The following EML4 variants were observed in gnomAD, a reference collection of about 807,000 sequenced individuals.
EML4 encodes EMAP like 4, also known as echinoderm microtubule-associated protein-like 4.
A neutral mutation model predicts 129.0 loss-of-function variants in EML4; 72 were observed. That is an observed-to-expected ratio of 0.56 (90% CI 0.46 to 0.68). EML4 has a LOEUF of 0.68. Ranked by LOEUF, EML4 falls within the 30% of genes least tolerant of loss-of-function variation. The probability of loss-of-function intolerance (pLI) is 0.00; values close to 1 mark genes in which losing one functional copy is unlikely to be tolerated. For synonymous variants in EML4, 532 were observed against 405.0 expected (o/e 1.31, Z -3.77); for missense variants, 1,363 against 1,190.6 (o/e 1.14, Z -2.13).
intron 1 of EML4, among the ~76,000 whole-genome samples, chr2:42,177,751 A>G (rs986430920): frequency 6.6e-6 from 1 of 152,222 alleles, no homozygotes; most frequent in African/African-American, 2.4e-5. Flanking sequence ...GGGTATTTTC[A>G]AGTACAAGTC....
At chr2:42,324,107 C>G (rs528329523) in intron 19 of EML4, among the ~76,000 whole-genome samples, 2 of 151,268 alleles carry the variant, frequency 1.3e-5, no homozygotes, top group African/African-American at 4.9e-5. Flanking sequence ...CCAGCCTGGC[C>G]AACACAGGGA....
At chr2:42,329,439 C>T (rs1036155986) in intron 22 of EML4, among the ~76,000 whole-genome samples, 1 of 152,162 alleles carries the variant, frequency 6.6e-6, no homozygotes, top group Non-Finnish European at 1.5e-5. Flanking sequence ...AATTACTAAG[C>T]TCTGGCAAGT....
rs377686151 is a variant in EML4 at position 42,329,029 on chromosome 2, T to C, written c.2472+13T>C. The C allele has an allele frequency of 4.8e-5, 77 of 1,606,650 alleles. No individual in the cohort carries two copies. Among genetic ancestry groups the C allele is most frequent in the Admixed American group, 6.8e-5 (4 of 58,954 alleles). On this transcript the variant is annotated intron_variant, in intron 22 of 22. Coordinates refer to ENST00000318522, the MANE Select transcript of EML4 (RefSeq NM_019063.5). ...CTCCAAAGCAAAGGTAAACTCACTTTAATAGAAACTAATGTTATAAGGCCT... is the reference window on the plus strand; with the variant it reads ...CTCCAAAGCAAAGGTAAACTCACTTCAATAGAAACTAATGTTATAAGGCCT...
intron 1 of EML4, among the ~76,000 whole-genome samples, chr2:42,222,582 G>T (rs912875122): frequency 6.6e-6 from 1 of 152,044 alleles, no homozygotes; most frequent in Non-Finnish European, 1.5e-5. Flanking sequence ...TTTACTGTCT[G>T]GTCCTTAACA....
At chr2:42,298,620 T>A (rs755348881) in intron 13 of EML4, among the ~76,000 whole-genome samples, 1 of 152,182 alleles carries the variant, frequency 6.6e-6, no homozygotes, top group East Asian at 1.9e-4. Context: ...GAAATAACTT[T>A]CCTGGAGTGA....
chr2:42,243,655 G>A (rs1312854537), intron 1 of EML4, among the ~76,000 whole-genome samples: 3 of 152,056 alleles, frequency 2.0e-5, no homozygotes, highest in African/African-American at 4.8e-5. Flanking sequence ...CAATATCTAC[G>A]TCTCAAAGAT....
chr2:42,295,575 C>A (rs2103682099), intron 13 of EML4, 59 bp downstream of exon 13: 2 of 1,480,150 alleles, frequency 1.4e-6, no homozygotes, highest in South Asian at 1.3e-5. Flanking sequence ...CTCTTTCAGT[C>A]CCATCTCTTA....
chr2:42,191,764 A>G (rs950049826), intron 1 of EML4, among the ~76,000 whole-genome samples: 4 of 152,206 alleles, frequency 2.6e-5, no homozygotes, highest in Non-Finnish European at 5.9e-5. Flanking sequence ...CTGAATTTTA[A>G]AAATCCCTAG....
At position 42,310,460 on chromosome 2, in the gene EML4, C is replaced by T. The variant is rs138220223; in HGVS notation, c.1968-5502C>T. 9.8e-3 allele frequency among the ~76,000 whole-genome samples: 1,493 copies of T among 152,226 alleles called. 24 individuals carry two copies. The highest frequency in any genetic ancestry group is 0.034 in the African/African-American group (1,416 of 41,540). On this transcript the variant is annotated intron_variant, in intron 17 of 22. Transcript: ENST00000318522. ...TCCTGGGTTCAAGTGATTCTCATGC[C>T]TCAACCTCCCAGGTAGCTGGGACTA...
chr2:42,241,540 C>T (rs571485420), intron 1 of EML4, among the ~76,000 whole-genome samples: 113 of 152,318 alleles, frequency 7.4e-4, no homozygotes, highest in African/African-American at 2.5e-3. Flanking sequence ...GTTACTGCAA[C>T]AGCCTCCTGT....
chr2:42,242,819 C>A (rs910391940), intron 1 of EML4, among the ~76,000 whole-genome samples: 2 of 151,358 alleles, frequency 1.3e-5, no homozygotes, highest in South Asian at 4.2e-4. Flanking sequence ...GGTTTAAGTG[C>A]AGTGGTGTAA....
intron 1 of EML4, among the ~76,000 whole-genome samples, chr2:42,219,517 A>G (rs900307074): frequency 6.6e-6 from 1 of 152,162 alleles, no homozygotes; most frequent in Admixed American, 6.5e-5. Context: ...TTTCTTTTAG[A>G]TTTTCATAGA....
intron 1 of EML4, among the ~76,000 whole-genome samples, chr2:42,179,958 A>G (rs1311841878): frequency 6.6e-6 from 1 of 152,194 alleles, no homozygotes; most frequent in Non-Finnish European, 1.5e-5. Flanking sequence ...GGAGGGACAG[A>G]GCATGCATAT....
At chr2:42,261,442 T>C (rs1322667084) in intron 4 of EML4, 148 bp downstream of exon 4, 1 of 545,796 alleles carries the variant, frequency 1.8e-6, no homozygotes, top group Non-Finnish European at 3.0e-6. Context: ...TAATTTATGC[T>C]TTATAGCCCA....
rs1315322234 is a variant in EML4, at chr2:42,183,600, A to G, written c.25+13964A>G. Among the ~76,000 whole-genome samples the G allele has an allele frequency of 2.0e-5, 3 of 152,212 alleles. No homozygotes were observed. In the East Asian group the frequency reaches 5.8e-4, roughly 29 times the overall value. On this transcript the variant is annotated intron_variant, in intron 1 of 22. Transcript: ENST00000318522. ...TGGTATATGTATATGTATGTATAAAATACACATATGCTTTTTGCAGGCTTC... is the reference window on the plus strand; with the variant it reads ...TGGTATATGTATATGTATGTATAAAGTACACATATGCTTTTTGCAGGCTTC...
At chr2:42,279,245 G>T (rs1666865621) in intron 6 of EML4, among the ~76,000 whole-genome samples, 1 of 152,128 alleles carries the variant, frequency 6.6e-6, no homozygotes. Context: ...GAATAGTGCT[G>T]CTGTGAACCT....
chr2:42,267,583 C>A (rs1241866512), intron 6 of EML4, among the ~76,000 whole-genome samples: 1 of 152,128 alleles, frequency 6.6e-6, no homozygotes, highest in Admixed American at 6.5e-5. Context: ...AGGCCTGTGT[C>A]CTTCAGACAG....
chr2:42,205,663 G>C (rs971957450), intron 1 of EML4, among the ~76,000 whole-genome samples: 2 of 152,148 alleles, frequency 1.3e-5, no homozygotes, highest in African/African-American at 4.8e-5. Flanking sequence ...GTTTAAGGAA[G>C]TATCAACTTA....
Position 42,243,088 on chromosome 2 carries a change from G to GT in EML4, c.26-2416dup, listed in dbSNP as rs1675147156. Among the ~76,000 whole-genome samples, 3 of 152,086 alleles carry GT rather than the reference G, an allele frequency of 2.0e-5. No individual in the cohort carries two copies. In the South Asian group the frequency reaches 6.2e-4, roughly 32 times the overall value. ...CTGCCTTGTCCAGCTGAAATTTCTA[G>GT]TAGTAATATTTATACAACTGAAAAG... On this transcript the variant is annotated intron_variant, in intron 1 of 22. Transcript: ENST00000318522.
Sources: gnomAD v4.1 joint callset for allele counts (sites outside exome capture counted in the v4.1 genomes callset) on GRCh38, gnomAD v4.1.1 for gene constraint, MANE v1.5 for transcripts, NCBI Gene and HGNC (gene_info 2026-07-23, HGNC 2026-07-21) for gene names.